OPCML: variants seen among roughly 807,000 people sequenced by gnomAD.
The protein encoded by OPCML is opioid binding protein/cell adhesion molecule like.
A neutral mutation model predicts 37.8 loss-of-function variants in OPCML; 13 were observed. The ratio of observed to expected loss-of-function variants is 0.34; its 90% confidence interval spans 0.22 to 0.55. The LOEUF (loss-of-function observed/expected upper bound fraction) is 0.55, where lower values mean the gene tolerates loss of function less well. OPCML is among the 20% of genes least tolerant of loss of function. OPCML has a pLI of 0.91. For synonymous variants in OPCML, 176 were observed against 168.8 expected, an observed-to-expected ratio of 1.04 and a Z score of -0.33; for missense variants, 341 against 435.6, an observed-to-expected ratio of 0.78 and a Z score of 1.93.
intron 2 of OPCML, among the ~76,000 whole-genome samples, chr11:132,908,838 A>G (rs2136531437): frequency 6.6e-6 from 1 of 152,336 alleles, no homozygotes; most frequent in South Asian, 2.1e-4. Flanking sequence ...TAAACATCAC[A>G]TTTGGTGGTC....
At chr11:132,809,955 T>C (rs1327640690) in intron 2 of OPCML, among the ~76,000 whole-genome samples, 1 of 152,198 alleles carries the variant, frequency 6.6e-6, no homozygotes, top group Admixed American at 6.5e-5. Context: ...GTTCACGCCA[T>C]TCTCCTGCCT....
chr11:132,467,925 C>T (rs917897072), intron 4 of OPCML, among the ~76,000 whole-genome samples: 2 of 152,180 alleles, frequency 1.3e-5, no homozygotes, highest in East Asian at 1.9e-4. Context: ...TTTGGTGTCA[C>T]GGTGAACAGC....
chr11:133,319,283 G>A (rs1333953659), intron 1 of OPCML, among the ~76,000 whole-genome samples: 1 of 152,168 alleles, frequency 6.6e-6, no homozygotes, highest in Non-Finnish European at 1.5e-5. Context: ...CAGGTGAGAT[G>A]GAAAATGTGA....
intron 3 of OPCML, among the ~76,000 whole-genome samples, chr11:132,655,435 G>A (rs1010862440): frequency 1.3e-5 from 2 of 152,166 alleles, no homozygotes; most frequent in Non-Finnish European, 2.9e-5. Context: ...TGCCTCTGTC[G>A]TCCTCTGAGG....
intron 1 of OPCML, among the ~76,000 whole-genome samples, chr11:133,221,950 T>G (rs1211271130): frequency 6.6e-6 from 1 of 152,210 alleles, no homozygotes; most frequent in Admixed American, 6.5e-5. Flanking sequence ...TGAGCAGAAC[T>G]GGCTTTCTGG....
At chr11:132,878,845 C>T (rs1943122036) in intron 2 of OPCML, among the ~76,000 whole-genome samples, 3 of 152,162 alleles carry the variant, frequency 2.0e-5, no homozygotes, top group Admixed American at 6.5e-5. Context: ...GAAGCATTCT[C>T]TGCAGATATT....
At chr11:132,574,348 T>C (rs555742964) in intron 3 of OPCML, among the ~76,000 whole-genome samples, 8 of 150,436 alleles carry the variant, frequency 5.3e-5, no homozygotes, top group Admixed American at 5.3e-4. Context: ...TAAAATTAAA[T>C]TGTTTATTTG....
chr11:133,415,347 T>C (rs1408065235), intron 1 of OPCML, among the ~76,000 whole-genome samples: 1 of 151,846 alleles, frequency 6.6e-6, no homozygotes, highest in African/African-American at 2.4e-5. Context: ...GAGGCAGAAC[T>C]TGCAGTGAGC....
chr11:133,105,993 A>T (rs1449252324), intron 1 of OPCML, among the ~76,000 whole-genome samples: 1 of 68,806 alleles, frequency 1.5e-5, no homozygotes, highest in Non-Finnish European at 2.9e-5. Context: ...AAAATAAAAA[A>T]AAAAAGAAAA....
intron 1 of OPCML, among the ~76,000 whole-genome samples, chr11:133,252,408 T>C (rs1941163580): frequency 6.6e-6 from 1 of 152,168 alleles, no homozygotes; most frequent in African/African-American, 2.4e-5. Flanking sequence ...ATAAAGTGTA[T>C]ATTTGTTTTA....
intron 2 of OPCML, among the ~76,000 whole-genome samples, chr11:132,837,914 T>A (rs1464169427): frequency 1.3e-5 from 2 of 152,222 alleles, no homozygotes; most frequent in African/African-American, 4.8e-5. Flanking sequence ...CTCCTGCCTT[T>A]GAAGGCTGGA....
intron 4 of OPCML, among the ~76,000 whole-genome samples, chr11:132,489,363 A>G (rs906121414): frequency 5.3e-5 from 8 of 152,298 alleles, no homozygotes; most frequent in African/African-American, 1.9e-4. Context: ...TTTTACAGTT[A>G]CCTTTTAAAA....
At chr11:132,704,505 G>A (rs529416480) in intron 2 of OPCML, among the ~76,000 whole-genome samples, 33 of 152,286 alleles carry the variant, frequency 2.2e-4, no homozygotes, top group African/African-American at 7.9e-4. Context: ...AAATGCCTTT[G>A]AGGGGAATAA....
chr11:132,898,783 T>A (rs1316479810), intron 2 of OPCML, among the ~76,000 whole-genome samples: 1 of 151,968 alleles, frequency 6.6e-6, no homozygotes, highest in Non-Finnish European at 1.5e-5. Flanking sequence ...CCAGAGAGAG[T>A]AATGTTTCCA....
chr11:132,811,701 C>G (rs753817899), intron 2 of OPCML, among the ~76,000 whole-genome samples: 5 of 152,128 alleles, frequency 3.3e-5, no homozygotes, highest in Non-Finnish European at 7.3e-5. Flanking sequence ...CTTAGAGTGT[C>G]GGCAACCCCA....
intron 4 of OPCML, among the ~76,000 whole-genome samples, chr11:132,445,950 GA>G (rs1317913314): frequency 6.6e-6 from 1 of 152,056 alleles, no homozygotes; most frequent in Non-Finnish European, 1.5e-5. Context: ...GGTGGGTCAG[GA>G]AAAAGAAATC....
chr11:132,938,557 T>C (rs1945472964), intron 2 of OPCML, among the ~76,000 whole-genome samples: 1 of 152,212 alleles, frequency 6.6e-6, no homozygotes, highest in South Asian at 2.1e-4. Flanking sequence ...GCTTTATGGC[T>C]CACAGAACAA....
chr11:133,009,278 G>A (rs985081583), intron 1 of OPCML: 1 of 968,150 alleles, frequency 1.0e-6, no homozygotes, highest in Non-Finnish European at 1.2e-6. Flanking sequence ...AAAATGCAAT[G>A]GTACATATTT....
At chr11:133,144,263 G>C (rs990607943) in intron 1 of OPCML, among the ~76,000 whole-genome samples, 1 of 152,178 alleles carries the variant, frequency 6.6e-6, no homozygotes, top group East Asian at 1.9e-4. Flanking sequence ...AGCCCCATGC[G>C]ACCATGGCAC....
Sources: gnomAD v4.1 joint callset for allele counts (sites outside exome capture counted in the v4.1 genomes callset) on GRCh38, gnomAD v4.1.1 for gene constraint, MANE v1.5 for transcripts, NCBI Gene and HGNC (gene_info 2026-07-23, HGNC 2026-07-21) for gene names.